MTG1: variants seen among roughly 807,000 people sequenced by gnomAD.
MTG1 encodes the protein mitochondrial ribosome-associated GTPase 1.
Under a neutral mutation model 39.5 loss-of-function variants are expected in MTG1, and 30 were observed. The observed-to-expected ratio is 0.76, with a 90% confidence interval of 0.57 to 1.03. The LOEUF is 1.03. Ranked by LOEUF, MTG1 falls within the 50% of genes least tolerant of loss-of-function variation. The pLI is 0.00. For missense variants in MTG1, 513 were observed against 447.4 expected, an observed-to-expected ratio of 1.15 and a Z score of -1.32; for synonymous variants, 217 against 179.0, an observed-to-expected ratio of 1.21 and a Z score of -1.69.
At chr10:133,396,669 A>G (rs1313654436) in intron 3 of MTG1, among the ~76,000 whole-genome samples, 2 of 152,262 alleles carry the variant, frequency 1.3e-5, no homozygotes, top group East Asian at 1.9e-4. Context: ...ATATGATTGT[A>G]TATGAATATT....
chr10:133,404,889 T>C (rs901200811), intron 9 of MTG1, among the ~76,000 whole-genome samples: 3 of 152,228 alleles, frequency 2.0e-5, no homozygotes, highest in African/African-American at 7.2e-5. Context: ...TGTGTCACTT[T>C]TCTGTGTGAC....
chr10:133,400,191 C>CAAAAA (rs925173690), intron 6 of MTG1, among the ~76,000 whole-genome samples: 3 of 137,858 alleles, frequency 2.2e-5, no homozygotes, highest in Non-Finnish European at 3.2e-5. Flanking sequence ...GACTCCGTCT[C>CAAAAA]AAAAAAAAAA....
At chr10:133,401,824 A>G in intron 7 of MTG1, 2 of 679,746 alleles carry the variant, frequency 2.9e-6, no homozygotes, top group East Asian at 5.4e-5. Context: ...CCAGATGAGG[A>G]GGCCACTGTC....
intron 9 of MTG1, among the ~76,000 whole-genome samples, chr10:133,405,716 T>C (rs776274886): frequency 6.6e-6 from 1 of 152,226 alleles, no homozygotes; most frequent in Non-Finnish European, 1.5e-5. Flanking sequence ...ATGTACCACA[T>C]TTTCTGTATC....
chr10:133,394,233 C>A lies in MTG1; in HGVS notation c.13C>A (p.Pro5Thr). 6.6e-7 allele frequency: 1 copy of A among 1,517,020 alleles called. No individual in the cohort carries two copies. Among genetic ancestry groups the A allele is most frequent in the Non-Finnish European group, 8.8e-7 (1 of 1,137,234 alleles). 94.0% of individuals were successfully genotyped at this position (1,517,020 alleles called of 1,614,324 possible). Residue 5 changes from proline to threonine, a missense_variant, in exon 1 of 11, where the codon CCG becomes ACG. By Grantham distance (38) the Pro-to-Thr change is conservative (BLOSUM62 -1). Coordinates refer to ENST00000317502, the MANE Select transcript of MTG1 (RefSeq NM_138384.4). ...GGACGGTGCCGCCATGAGATTGACC[C>A]CGCGCGCGCTGTGCAGCGCCGCCCA... The part of the protein sequence containing the change: MRLT[P>T]RALCSAAQAA...
chr10:133,396,983 C>T (rs1256772601), intron 3 of MTG1, among the ~76,000 whole-genome samples: 3 of 152,154 alleles, frequency 2.0e-5, no homozygotes, highest in East Asian at 1.9e-4. Context: ...GTCTCCCTTT[C>T]CCCAGGGGAG....
In MTG1 at chr10:133,420,232, C is replaced by T. The variant is rs934300036; in HGVS notation, c.*67C>T. 1 of 1,503,578 alleles carries T rather than the reference C, an allele frequency of 6.7e-7. No homozygotes were observed. Among genetic ancestry groups the T allele is most frequent in the Admixed American group, 2.0e-5 (1 of 49,910 alleles). 93.1% of individuals were successfully genotyped at this position (1,503,578 alleles called of 1,614,324 possible). On this transcript the variant is annotated 3_prime_UTR_variant, in exon 11 of 11. Coordinates refer to ENST00000317502, the MANE Select transcript of MTG1 (RefSeq NM_138384.4). Reference sequence around the variant, plus strand: ...GACCTCCTGACCTGGGTGGTTGAGGCTCAAGACAGCTCACCCGGTCCAGAA... The same window carrying T: ...GACCTCCTGACCTGGGTGGTTGAGGTTCAAGACAGCTCACCCGGTCCAGAA...
chr10:133,398,720 C>T (rs1364246441), intron 4 of MTG1, among the ~76,000 whole-genome samples: 3 of 152,184 alleles, frequency 2.0e-5, no homozygotes, highest in African/African-American at 7.2e-5. Context: ...AGACGCATTC[C>T]AGGGTTGTAG....
chr10:133,414,480 C>A (rs1850092108), intron 9 of MTG1, among the ~76,000 whole-genome samples: 1 of 152,242 alleles, frequency 6.6e-6, no homozygotes. Flanking sequence ...CCTCACTTCC[C>A]AGACGGGGTG....
chr10:133,412,233 C>T (rs1850057700), intron 9 of MTG1, among the ~76,000 whole-genome samples: 2 of 152,224 alleles, frequency 1.3e-5, no homozygotes, highest in African/African-American at 4.8e-5. Context: ...TGAGGGAAGC[C>T]AGATTGCTTC....
At chr10:133,415,911 T>C (rs964047591) in intron 9 of MTG1, among the ~76,000 whole-genome samples, 9 of 123,594 alleles carry the variant, frequency 7.3e-5, no homozygotes, top group African/African-American at 2.7e-4. Flanking sequence ...CACGTGGGCC[T>C]CAGGCACACA....
At chr10:133,411,824 G>T (rs1488884084) in intron 9 of MTG1, among the ~76,000 whole-genome samples, 1 of 149,792 alleles carries the variant, frequency 6.7e-6, no homozygotes, top group Non-Finnish European at 1.5e-5. Flanking sequence ...TGTTAAATTT[G>T]TCTGACAAAT....
At chr10:133,403,773 T>C (rs1280275059) in intron 9 of MTG1, among the ~76,000 whole-genome samples, 1 of 105,952 alleles carries the variant, frequency 9.4e-6, no homozygotes, top group Admixed American at 9.8e-5. Flanking sequence ...CGGGCTTTCG[T>C]TTCCCTTGGG....
chr10:133,415,173 A>G (rs978731242), intron 9 of MTG1, among the ~76,000 whole-genome samples: 176 of 152,082 alleles, frequency 1.2e-3, no homozygotes, highest in Admixed American at 2.5e-3. Flanking sequence ...AGGGAGAGGG[A>G]GACCGTGGAG....
intron 9 of MTG1, among the ~76,000 whole-genome samples, chr10:133,418,642 CTTGGGGTG>C (rs1166653905): frequency 1.3e-5 from 2 of 152,000 alleles, no homozygotes; most frequent in East Asian, 3.9e-4. Context: ...TTTGCTGGGC[CTTGGGGTG>C]AGTCCTCTGT....
chr10:133,416,658 G>T (rs1051648333), intron 9 of MTG1, among the ~76,000 whole-genome samples: 1 of 143,642 alleles, frequency 7.0e-6, no homozygotes, highest in Non-Finnish European at 1.5e-5. Context: ...GCGGTGTTTG[G>T]TTTTTTGTTC....
chr10:133,414,973 G>A (rs1289666619), intron 9 of MTG1, among the ~76,000 whole-genome samples: 1 of 152,232 alleles, frequency 6.6e-6, no homozygotes, highest in South Asian at 2.1e-4. Flanking sequence ...AGACCAGCCC[G>A]GCCAACACAG....
At chr10:133,418,800 G>T (rs1269293145) in intron 9 of MTG1, among the ~76,000 whole-genome samples, 1 of 152,178 alleles carries the variant, frequency 6.6e-6, no homozygotes, top group African/African-American at 2.4e-5. Context: ...GGTTAGTCGG[G>T]CTCCCAAGGC....
chr10:133,410,909 A>AT (rs61006136), intron 9 of MTG1, among the ~76,000 whole-genome samples: 73 of 151,708 alleles, frequency 4.8e-4, no homozygotes, highest in East Asian at 1.5e-3. Flanking sequence ...ATTTCAATTT[A>AT]TTTTTTTTTA....
Sources: gnomAD v4.1 joint callset for allele counts (sites outside exome capture counted in the v4.1 genomes callset) on GRCh38, gnomAD v4.1.1 for gene constraint, MANE v1.5 for transcripts, NCBI Gene and HGNC (gene_info 2026-07-23, HGNC 2026-07-21) for gene names.